SGCD: variants seen among roughly 807,000 people sequenced by gnomAD.
SGCD encodes delta-sarcoglycan.
A neutral mutation model predicts 36.6 loss-of-function variants in SGCD; 18 were observed. The observed-to-expected ratio is 0.49, with a 90% CI of 0.34 to 0.73. The LOEUF is 0.73. SGCD is among the 30% of genes least tolerant of loss of function. The pLI, the probability that SGCD is intolerant of heterozygous loss-of-function variation, is 0.01. For missense variants in SGCD, 387 were observed against 346.7 expected, an observed-to-expected ratio of 1.12 and a Z score of -0.92; for synonymous variants, 133 against 130.6, an observed-to-expected ratio of 1.02 and a Z score of -0.12.
chr5:156,092,982 C>T (rs1223960810), intron 1 of SGCD, among the ~76,000 whole-genome samples: 1 of 152,150 alleles, frequency 6.6e-6, no homozygotes, highest in Non-Finnish European at 1.5e-5. Flanking sequence ...TAGCTTGTTC[C>T]CCACTGTCAG....
intron 6 of SGCD, among the ~76,000 whole-genome samples, chr5:156,623,305 G>C (rs575000520): frequency 2.0e-5 from 3 of 152,244 alleles, no homozygotes; most frequent in Middle Eastern, 3.4e-3. Context: ...GATCTAATTT[G>C]TGTTTTACAG....
At chr5:156,278,555 A>C (rs1307276144) in intron 3 of SGCD, among the ~76,000 whole-genome samples, 1 of 152,192 alleles carries the variant, frequency 6.6e-6, no homozygotes, top group Non-Finnish European at 1.5e-5. Flanking sequence ...GAAAGACAGA[A>C]GTAAATAGGA....
rs1012116295 is a variant in SGCD at position 156,089,261 on chromosome 5, C to A, written c.-281-28617C>A. On this transcript the variant is annotated intron_variant, in intron 1 of 9. Transcript: ENST00000517913. ...TTCATGGTTCTACTCTGATTTGGAG[C>A]AAGGCAACAGGCAAAATCTTATCCC... Among the ~76,000 whole-genome samples, 5 of 152,198 alleles carry A rather than the reference C, an allele frequency of 3.3e-5. No homozygotes were observed. The East Asian group carries it at 9.6e-4, about 29-fold the overall frequency.
intron 7 of SGCD, among the ~76,000 whole-genome samples, chr5:156,717,505 T>A (rs149224918): frequency 4.5e-4 from 68 of 152,362 alleles, no homozygotes; most frequent in Admixed American, 3.7e-3. Context: ...TTATTTTCTG[T>A]ATTCTGATGC....
the SGCD span, among the ~76,000 whole-genome samples, chr5:155,787,994 A>T: frequency 6.6e-6 from 1 of 152,162 alleles, no homozygotes; most frequent in African/African-American, 2.4e-5. Context: ...CATTTGGAAA[A>T]TTTGAAAAAT....
intron 1 of SGCD, among the ~76,000 whole-genome samples, chr5:156,003,578 C>G (rs1758703433): frequency 6.6e-6 from 1 of 152,192 alleles, no homozygotes; most frequent in Non-Finnish European, 1.5e-5. Flanking sequence ...TTTGATACAT[C>G]TGGGCATGTT....
chr5:156,172,501 T>C (rs1763368981), intron 3 of SGCD, among the ~76,000 whole-genome samples: 1 of 152,190 alleles, frequency 6.6e-6, no homozygotes, highest in Admixed American at 6.5e-5. Context: ...ATTTATAAAA[T>C]TAGGAGATTG....
At chr5:156,244,789 G>A (rs775946226) in intron 3 of SGCD, among the ~76,000 whole-genome samples, 17 of 152,090 alleles carry the variant, frequency 1.1e-4, no homozygotes, top group Non-Finnish European at 2.1e-4. Flanking sequence ...ACATAATTTT[G>A]TATTTTAAAC....
At chr5:155,980,675 G>A (rs1050833467) in intron 1 of SGCD, among the ~76,000 whole-genome samples, 4 of 137,258 alleles carry the variant, frequency 2.9e-5, no homozygotes, top group East Asian at 2.2e-4. Flanking sequence ...CTGGAAGGCC[G>A]CTTAGTACAT....
rs369361554 is a variant in SGCD, at chr5:155,911,323, A to G, written c.-282+40899A>G. ...TGTGTGTGTGTGTGTGTGTGTGTAT[A>G]TATATATATATATTTCCCCCAGAAT... On this transcript the variant is annotated intron_variant, in intron 1 of 9. Coordinates refer to the SGCD transcript ENST00000517913. Among the ~76,000 whole-genome samples, 371 of 95,004 alleles carry G rather than the reference A, an allele frequency of 3.9e-3. 1 individual carries two copies. The highest frequency in any genetic ancestry group is 4.1e-3 in the Admixed American group (43 of 10,564). The allele number at this position is 95,004 out of a possible 152,430, so 62.3% of individuals were successfully genotyped here. A position where few individuals can be genotyped will look rare whatever the true frequency, so the allele number is the denominator to read the frequency against.
the SGCD span, among the ~76,000 whole-genome samples, chr5:155,769,775 T>C: frequency 2.6e-5 from 4 of 152,334 alleles, no homozygotes; most frequent in South Asian, 2.1e-4. Context: ...CGTGGCCTTC[T>C]TCCAAGTATC....
the SGCD span, among the ~76,000 whole-genome samples, chr5:155,814,886 A>C: frequency 1.3e-5 from 2 of 152,246 alleles, no homozygotes; most frequent in Non-Finnish European, 2.9e-5. Context: ...CTTAACTATA[A>C]GAAAATAAGC....
At chr5:156,177,488 G>A (rs531895584) in intron 3 of SGCD, among the ~76,000 whole-genome samples, 2 of 152,260 alleles carry the variant, frequency 1.3e-5, no homozygotes, top group South Asian at 4.1e-4. Context: ...CATGGGCACA[G>A]CAACTCAAGT....
At chr5:156,420,232 C>G (rs747678093) in intron 3 of SGCD, among the ~76,000 whole-genome samples, 52 of 152,242 alleles carry the variant, frequency 3.4e-4, no homozygotes, top group Non-Finnish European at 6.8e-4. Flanking sequence ...TGATGGAGCT[C>G]TCTTTCTGGT....
chr5:155,882,580 C>T (rs1755911290), intron 1 of SGCD, among the ~76,000 whole-genome samples: 1 of 152,200 alleles, frequency 6.6e-6, no homozygotes, highest in African/African-American at 2.4e-5. Flanking sequence ...AGGAAAACAA[C>T]ATTCATCTCC....
chr5:156,406,679 C>T (rs923858504), intron 3 of SGCD, among the ~76,000 whole-genome samples: 11 of 150,962 alleles, frequency 7.3e-5, no homozygotes, highest in African/African-American at 1.5e-4. Flanking sequence ...CAAAACAGCC[C>T]GATGAGGTAG....
At chr5:156,266,204 G>A (rs1218326791) in intron 3 of SGCD, among the ~76,000 whole-genome samples, 1 of 152,130 alleles carries the variant, frequency 6.6e-6, no homozygotes, top group Non-Finnish European at 1.5e-5. Context: ...TGCTGGATAG[G>A]CTATTGACCA....
At chr5:155,733,202 T>C in the SGCD span, among the ~76,000 whole-genome samples, 2 of 152,176 alleles carry the variant, frequency 1.3e-5, no homozygotes, top group Admixed American at 1.3e-4. Flanking sequence ...GATGTAGCTG[T>C]GGTGTAAGAA....
chr5:156,392,650 G>A (rs746588624), intron 3 of SGCD, among the ~76,000 whole-genome samples: 1 of 152,184 alleles, frequency 6.6e-6, no homozygotes, highest in Admixed American at 6.5e-5. Context: ...TGGTGTCCCG[G>A]AAGAATTGGA....
Sources: allele counts gnomAD v4.1 joint callset (sites outside exome capture counted in the v4.1 genomes callset), GRCh38; gene constraint gnomAD v4.1.1; transcripts MANE v1.5; gene names NCBI Gene and HGNC (gene_info 2026-07-23, HGNC 2026-07-21).